The following PKP4 variants were observed in gnomAD, a reference collection of about 807,000 sequenced individuals.
The protein encoded by PKP4 is plakophilin 4, also known as plakophilin-4.
A neutral mutation model predicts 145.1 loss-of-function variants in PKP4; 90 were observed. The ratio of observed to expected loss-of-function variants is 0.62; its 90% CI spans 0.52 to 0.74. The LOEUF is 0.74. Among genes scored for constraint, PKP4 ranks in the 30% least tolerant of loss-of-function variants. The pLI, the probability that PKP4 is intolerant of heterozygous loss-of-function variation, is 0.00. For synonymous variants in PKP4, 563 were observed against 577.2 expected (o/e 0.98, Z 0.35); for missense variants, 1,340 against 1,482.7 (o/e 0.90, Z 1.58).
chr2:158,624,991 T>G lies in PKP4; in HGVS notation c.717T>G (p.Thr239=), dbSNP rs1419913726. The stretch of plus-strand genomic sequence containing the variant: ...CTCCTTCAAGGGGGTCTCTGAGAAC[T>G]TCTCTGGGTAGTGGATTTGGCTCTC... ...GVSPSRGSLR[T]SLGSGFGSPS... The change falls in exon 7 of 22, where the codon ACT becomes ACG. Residue 239 remains threonine, a synonymous_variant. Transcript: ENST00000389759. 1 of 1,614,080 alleles carries G rather than the reference T, an allele frequency of 6.2e-7. No individual in the cohort carries two copies. The highest frequency in any genetic ancestry group is 1.7e-5 in the Admixed American group (1 of 60,006).
In PKP4 at chr2:158,642,825, T is replaced by C. The variant is rs77085824; in HGVS notation, c.1909+126T>C. ...ATAGATAATGAGATATATATAGTGCTCACAACTGTGAAGGCTGAGAATTAT... is the reference window on the plus strand; with the variant it reads ...ATAGATAATGAGATATATATAGTGCCCACAACTGTGAAGGCTGAGAATTAT... On this transcript the variant is annotated intron_variant, in intron 11 of 21. Coordinates refer to ENST00000389759, the MANE Select transcript of PKP4 (RefSeq NM_003628.6). The C allele has an allele frequency of 4.2e-3, 2,377 of 567,128 alleles. 43 individuals are homozygous for C. Among genetic ancestry groups the C allele is most frequent in the African/African-American group, 0.037 (2,007 of 53,748 alleles). The allele number at this position is 567,128 out of a possible 1,614,324, so 35.1% of individuals were successfully genotyped here. A position where few individuals can be genotyped will look rare whatever the true frequency, so the allele number is the denominator to read the frequency against.
At chr2:158,486,850 C>T (rs1051539448) in intron 1 of PKP4, among the ~76,000 whole-genome samples, 1 of 152,164 alleles carries the variant, frequency 6.6e-6, no homozygotes. Flanking sequence ...GAATTGTAGA[C>T]AATAAAACGT....
chr2:158,559,039 T>C (rs1030447526), intron 2 of PKP4, among the ~76,000 whole-genome samples: 3 of 152,216 alleles, frequency 2.0e-5, no homozygotes, highest in African/African-American at 7.2e-5. Context: ...TTTTTTCTCT[T>C]CATCTTTTGT....
At chr2:158,598,836 G>C (rs958356911) in intron 3 of PKP4, among the ~76,000 whole-genome samples, 1 of 152,200 alleles carries the variant, frequency 6.6e-6, no homozygotes, top group Non-Finnish European at 1.5e-5. Flanking sequence ...AGAGCATTCT[G>C]TTTCATGGGT....
intron 2 of PKP4, among the ~76,000 whole-genome samples, chr2:158,571,051 C>A (rs1002848797): frequency 2.6e-5 from 4 of 152,110 alleles, no homozygotes; most frequent in African/African-American, 9.7e-5. Flanking sequence ...TGGAAGAGAA[C>A]TAAGGATTAG....
At chr2:158,494,046 GC>G (rs1695329536) in intron 1 of PKP4, among the ~76,000 whole-genome samples, 1 of 152,074 alleles carries the variant, frequency 6.6e-6, no homozygotes, top group Admixed American at 6.5e-5. Context: ...GCAGATTCTT[GC>G]CATGATAAAA....
At chr2:158,556,298 G>A (rs770444853) in intron 2 of PKP4, among the ~76,000 whole-genome samples, 20 of 152,192 alleles carry the variant, frequency 1.3e-4, no homozygotes, top group Non-Finnish European at 2.8e-4. Context: ...ACAGCTCGGT[G>A]TGTTGTAATC....
chr2:158,643,153 G>A (rs1230071644), intron 11 of PKP4, among the ~76,000 whole-genome samples: 1 of 152,170 alleles, frequency 6.6e-6, no homozygotes, highest in African/African-American at 2.4e-5. Context: ...ATAAAACTCA[G>A]TGCCTGCGCT....
At chr2:158,650,788 T>G (rs1273215588) in intron 11 of PKP4, among the ~76,000 whole-genome samples, 3 of 152,042 alleles carry the variant, frequency 2.0e-5, no homozygotes, top group Admixed American at 2.0e-4. Flanking sequence ...ATTATGCATC[T>G]GCTGTGCAGG....
At chr2:158,573,494 T>C (rs969583889) in intron 2 of PKP4, among the ~76,000 whole-genome samples, 2 of 152,176 alleles carry the variant, frequency 1.3e-5, no homozygotes, top group African/African-American at 4.8e-5. Flanking sequence ...TTTTACTTCA[T>C]AAAACATCTG....
chr2:158,573,373 G>GGGTATA (rs1341687626), intron 2 of PKP4, among the ~76,000 whole-genome samples: 3 of 152,118 alleles, frequency 2.0e-5, no homozygotes, highest in Non-Finnish European at 4.4e-5. Flanking sequence ...TGAATATTAA[G>GGGTATA]CACCAAATTT....
intron 19 of PKP4, among the ~76,000 whole-genome samples, chr2:158,675,046 T>C (rs2057885271): frequency 6.6e-6 from 1 of 152,172 alleles, no homozygotes; most frequent in Admixed American, 6.5e-5. Flanking sequence ...ACGTGTCTGG[T>C]TTTTAACATC....
At chr2:158,592,126 C>T (rs767522995) in intron 3 of PKP4, among the ~76,000 whole-genome samples, 3 of 152,006 alleles carry the variant, frequency 2.0e-5, no homozygotes, top group Non-Finnish European at 2.9e-5. Flanking sequence ...CCTTCTTATT[C>T]ATCCTCTTAG....
At chr2:158,610,259 C>T (rs976912706) in intron 4 of PKP4, among the ~76,000 whole-genome samples, 2 of 152,180 alleles carry the variant, frequency 1.3e-5, no homozygotes, top group African/African-American at 4.8e-5. Context: ...GCGCTCCCTT[C>T]TGTTTCCATA....
intron 3 of PKP4, among the ~76,000 whole-genome samples, chr2:158,578,549 A>C (rs2048057291): frequency 6.6e-6 from 1 of 152,132 alleles, no homozygotes; most frequent in East Asian, 1.9e-4. Flanking sequence ...AATTCTCTAT[A>C]ATATTTTTTA....
intron 2 of PKP4, among the ~76,000 whole-genome samples, chr2:158,535,348 A>G (rs564611136): frequency 2.0e-5 from 3 of 152,216 alleles, no homozygotes; most frequent in Non-Finnish European, 4.4e-5. Context: ...GTTACATGCA[A>G]TTGCAATAAA....
At chr2:158,587,002 A>T (rs1022751811) in intron 3 of PKP4, among the ~76,000 whole-genome samples, 25 of 152,240 alleles carry the variant, frequency 1.6e-4, no homozygotes, top group Non-Finnish European at 3.7e-4. Context: ...TTTATGAGTA[A>T]TAGAATCTTT....
At chr2:158,619,468 CAA>C (rs2051983456) in intron 4 of PKP4, among the ~76,000 whole-genome samples, 2 of 152,172 alleles carry the variant, frequency 1.3e-5, no homozygotes, top group South Asian at 4.1e-4. Flanking sequence ...GGCTAGGAAA[CAA>C]AACCTTGAAT....
intron 1 of PKP4, among the ~76,000 whole-genome samples, chr2:158,528,768 A>T (rs2043227165): frequency 6.6e-6 from 1 of 151,934 alleles, no homozygotes; most frequent in South Asian, 2.1e-4. Context: ...CACATGTAAG[A>T]GTTGGTCACA....
Sources: allele counts gnomAD v4.1 joint callset (sites outside exome capture counted in the v4.1 genomes callset), GRCh38; gene constraint gnomAD v4.1.1; transcripts MANE v1.5; gene names NCBI Gene and HGNC (gene_info 2026-07-23, HGNC 2026-07-21).